Variants in GRIA3 observed in about 807,000 individuals in gnomAD.
The protein encoded by GRIA3 is glutamate receptor 3.
GRIA3 carries 3 observed loss-of-function variants against 63.0 expected under a neutral mutation model. The ratio of observed to expected loss-of-function variants is 0.05; its 90% CI spans 0.02 to 0.12. The LOEUF is 0.12. GRIA3 is among the 10% of genes least tolerant of loss of function. The pLI is 1.00. For synonymous variants in GRIA3, 274 were observed against 257.9 expected (o/e 1.06, Z -0.60); for missense variants, 347 against 700.9 (o/e 0.50, Z 5.70).
intron 3 of GRIA3, among the ~76,000 whole-genome samples, chrX:123,318,918 G>A (rs977104474): frequency 8.9e-6 from 1 of 112,021 alleles, no homozygotes; most frequent in African/African-American, 3.2e-5. Context: ...TAATATGGAC[G>A]TACAGTTCCA....
At chrX:123,351,369 A>T (rs1001537038) in intron 4 of GRIA3, among the ~76,000 whole-genome samples, 4 of 111,912 alleles carry the variant, frequency 3.6e-5, no homozygotes, top group Admixed American at 1.9e-4. Context: ...TTTTGTGGTG[A>T]GGGCTCCTGT....
intron 12 of GRIA3, among the ~76,000 whole-genome samples, chrX:123,456,510 T>G (rs1215097654): frequency 9.0e-6 from 1 of 110,966 alleles, no homozygotes; most frequent in Non-Finnish European, 1.9e-5. Context: ...AGAACTTAAT[T>G]TCTGTAGACC....
chrX:123,385,900 G>T (rs1233569883), intron 5 of GRIA3, among the ~76,000 whole-genome samples: 1 of 112,116 alleles, frequency 8.9e-6, no homozygotes. Context: ...ACATAGGAGT[G>T]CAGGTATTCC....
intron 5 of GRIA3, among the ~76,000 whole-genome samples, chrX:123,394,585 A>G (rs1291843690): frequency 8.9e-6 from 1 of 112,077 alleles, no homozygotes; most frequent in Non-Finnish European, 1.9e-5. Context: ...AAAGTTTGCT[A>G]TAACACCCAT....
intron 6 of GRIA3, among the ~76,000 whole-genome samples, chrX:123,397,351 A>G (rs1307920781): frequency 8.9e-6 from 1 of 112,117 alleles, no homozygotes; most frequent in Non-Finnish European, 1.9e-5. Flanking sequence ...CAGATTAAAA[A>G]TCCTGATAAT....
At chrX:123,185,197 GC>G (rs776495033) in intron 1 of GRIA3, among the ~76,000 whole-genome samples, 3 of 111,733 alleles carry the variant, frequency 2.7e-5, no homozygotes, top group Non-Finnish European at 5.7e-5. Flanking sequence ...GGGGTAGGAG[GC>G]GGGGGTGAGA....
rs182958563 is a variant in GRIA3, at chrX:123,448,048, T to C, written c.2077-16817T>C. Among the ~76,000 whole-genome samples the C allele has an allele frequency of 2.7e-5, 3 of 112,188 alleles. No homozygotes were observed. The East Asian group carries it at 8.4e-4, about 31-fold the overall frequency. ...GCCAGAAAAAGATAATCAGGCTACG[T>C]AGAAACTTAAGGAGTGCACCTTTTG... On this transcript the variant is annotated intron_variant, in intron 12 of 15. Coordinates refer to ENST00000620443, the MANE Select transcript of GRIA3 (RefSeq NM_007325.5).
intron 3 of GRIA3, among the ~76,000 whole-genome samples, chrX:123,282,002 C>CT (rs2044588781): frequency 1.8e-5 from 2 of 111,432 alleles, no homozygotes; most frequent in Non-Finnish European, 3.8e-5. Flanking sequence ...CCAACTCTAG[C>CT]ATGCCTCAGA....
intron 5 of GRIA3, among the ~76,000 whole-genome samples, chrX:123,387,033 TGTA>T (rs2045358114): frequency 8.9e-6 from 1 of 111,955 alleles, no homozygotes; most frequent in African/African-American, 3.2e-5. Context: ...GCATGAAATC[TGTA>T]GATTGTTTTG....
intron 3 of GRIA3, among the ~76,000 whole-genome samples, chrX:123,267,572 T>C (rs1351640190): frequency 1.8e-5 from 2 of 112,179 alleles, no homozygotes; most frequent in African/African-American, 6.5e-5. Context: ...TAGTATTATT[T>C]TCCACAGCTC....
chrX:123,308,403 AG>A (rs1161235628), intron 3 of GRIA3, among the ~76,000 whole-genome samples: 1 of 111,744 alleles, frequency 8.9e-6, no homozygotes, highest in Admixed American at 9.5e-5. Flanking sequence ...GAGCATCTTT[AG>A]GGTCTTCTCT....
intron 2 of GRIA3, among the ~76,000 whole-genome samples, chrX:123,228,114 T>C (rs2044257448): frequency 8.9e-6 from 1 of 112,105 alleles, no homozygotes; most frequent in Non-Finnish European, 1.9e-5. Context: ...CGTAATAGCA[T>C]GGACTTGTTG....
intron 12 of GRIA3, among the ~76,000 whole-genome samples, chrX:123,464,511 G>C (rs1020737465): frequency 1.8e-5 from 2 of 111,748 alleles, no homozygotes; most frequent in African/African-American, 6.5e-5. Context: ...GGATATTGTA[G>C]AGGAGATTTT....
At position 123,482,911 on chromosome X, in the gene GRIA3, G is replaced by A. The variant is rs1395100721; in HGVS notation, c.2552G>A (p.Arg851Gln). The A allele has an allele frequency of 1.6e-5, 19 of 1,210,446 alleles. No homozygotes were observed. The highest frequency in any genetic ancestry group is 3.0e-5 in the East Asian group (1 of 33,808). ...VALIEFCYKS[R>Q]AESKRMKLTK... ...TTGATAGAATTCTGTTACAAATCAC[G>A]GGCAGAGTCCAAACGCATGAAACTC... Residue 851 changes from arginine (R) to glutamine (Q), a missense_variant, in exon 15 of 16, where the codon CGG (arginine) becomes CAG (glutamine). Coordinates refer to ENST00000620443, the MANE Select transcript of GRIA3 (RefSeq NM_007325.5).
rs1165432004 is a variant in GRIA3, at chrX:123,402,976, A to G, written c.1081-18A>G. 4 of 951,307 alleles carry G rather than the reference A, an allele frequency of 4.2e-6. No homozygotes were observed. Among genetic ancestry groups the G allele is most frequent in the Non-Finnish European group, 6.0e-6 (4 of 662,750 alleles). The allele number at this position is 951,307 out of a possible 1,213,427, so 78.4% of individuals were successfully genotyped here. On this transcript the variant is annotated intron_variant, in intron 7 of 15. Coordinates refer to ENST00000620443, the MANE Select transcript of GRIA3 (RefSeq NM_007325.5). Reference sequence around the variant, plus strand: ...ATGCCGTGCTATTTTTAAATTTTAAATTTTCCCTTTCTACCAGGTGCAAGT... The same window carrying G: ...ATGCCGTGCTATTTTTAAATTTTAAGTTTTCCCTTTCTACCAGGTGCAAGT...
At chrX:123,472,349 T>C (rs2045868258) in intron 13 of GRIA3, among the ~76,000 whole-genome samples, 1 of 109,653 alleles carries the variant, frequency 9.1e-6, no homozygotes, top group African/African-American at 3.3e-5. Flanking sequence ...TACCGATCTG[T>C]TTCTCTCTTC....
intron 4 of GRIA3, among the ~76,000 whole-genome samples, chrX:123,349,136 A>T (rs2045075224): frequency 8.9e-6 from 1 of 112,434 alleles, no homozygotes; most frequent in African/African-American, 3.2e-5. Flanking sequence ...TAAGTAAATA[A>T]TAGTCATGTG....
At chrX:123,262,153 T>G (rs2044464033) in intron 3 of GRIA3, among the ~76,000 whole-genome samples, 1 of 111,906 alleles carries the variant, frequency 8.9e-6, no homozygotes, top group Admixed American at 9.4e-5. Context: ...CTTGAAGCCC[T>G]TTAGACAACA....
chrX:123,394,473 T>A (rs901101538), intron 5 of GRIA3, among the ~76,000 whole-genome samples: 6 of 112,135 alleles, frequency 5.4e-5, no homozygotes, highest in African/African-American at 9.7e-5. Context: ...ACAACCAAGC[T>A]GTCAGTTTCA....
Sources: gnomAD v4.1 joint callset for allele counts (sites outside exome capture counted in the v4.1 genomes callset) on GRCh38, gnomAD v4.1.1 for gene constraint, MANE v1.5 for transcripts, NCBI Gene and HGNC (gene_info 2026-07-23, HGNC 2026-07-21) for gene names.